Variants in SLC25A48 observed in about 807,000 individuals in gnomAD.
SLC25A48 encodes CTC-321K16.1.
SLC25A48 carries 29 observed loss-of-function variants against 32.2 expected under a neutral mutation model. The ratio of observed to expected loss-of-function variants is 0.90; its 90% CI spans 0.67 to 1.23. The LOEUF (loss-of-function observed/expected upper bound fraction) is 1.23. SLC25A48 is among the 50% of genes most tolerant of loss of function. The probability of loss-of-function intolerance (pLI) is 0.00; values close to 1 mark genes in which losing one functional copy is unlikely to be tolerated. For missense variants in SLC25A48, 399 were observed against 422.7 expected (o/e 0.94, Z 0.49); for synonymous variants, 164 against 172.3 (o/e 0.95, Z 0.38).
intron 3 of SLC25A48, among the ~76,000 whole-genome samples, chr5:135,708,756 TG>T (rs760548312): frequency 6.6e-6 from 1 of 152,178 alleles, no homozygotes; most frequent in Non-Finnish European, 1.5e-5. Flanking sequence ...AGAGCCCAGG[TG>T]TCTTCAGAAT....
In SLC25A48 at chr5:135,852,686, G is replaced by C; in HGVS notation, c.286G>C (p.Glu96Gln). 6.2e-7 allele frequency: 1 copy of C among 1,614,090 alleles called. No individual in the cohort carries two copies. Among genetic ancestry groups the C allele is most frequent in the African/African-American group, 1.3e-5 (1 of 75,066 alleles). ...FLSQHRCGEP[E>Q]ASPPRTLSDL... ...CAGCCAGCACCGCTGCGGGGAGCCA[G>C]AGGCCAGTCCTCCCCGCACGCTGTC... The change falls in exon 4 of 8, where the codon GAG becomes CAG. Residue 96 changes from glutamate to glutamine, a missense_variant. Coordinates refer to ENST00000681962, the MANE Select transcript of SLC25A48 (RefSeq NM_001349336.2).
chr5:135,867,026 A>G (rs1471721619), intron 4 of SLC25A48, among the ~76,000 whole-genome samples: 2 of 152,218 alleles, frequency 1.3e-5, no homozygotes, highest in Admixed American at 6.5e-5. Context: ...AATAAAAGGT[A>G]GTATGCCCTT....
intron 3 of SLC25A48, among the ~76,000 whole-genome samples, chr5:135,683,498 T>C (rs1753946971): frequency 9.5e-6 from 1 of 105,606 alleles, no homozygotes; most frequent in African/African-American, 3.2e-5. Context: ...GGATAAGGAA[T>C]ACATTTCTTA....
At chr5:135,686,990 C>T (rs1754033842) in intron 3 of SLC25A48, among the ~76,000 whole-genome samples, 1 of 150,928 alleles carries the variant, frequency 6.6e-6, no homozygotes, top group Non-Finnish European at 1.5e-5. Flanking sequence ...ATATGAACAA[C>T]CTAATGCCCT....
intron 4 of SLC25A48, among the ~76,000 whole-genome samples, chr5:135,818,538 T>TA: frequency 6.6e-6 from 1 of 152,340 alleles, no homozygotes; most frequent in East Asian, 1.9e-4. Context: ...TGCACCACTG[T>TA]AGACGAAAGA....
At chr5:135,637,537 G>T (rs974542867) in intron 3 of SLC25A48, among the ~76,000 whole-genome samples, 3 of 152,154 alleles carry the variant, frequency 2.0e-5, no homozygotes, top group African/African-American at 7.2e-5. Flanking sequence ...ACTCCTTAGT[G>T]TTTTCATGCT....
At position 135,629,361 on chromosome 5, in the gene SLC25A48, A is replaced by G. The variant is rs1365740675; in HGVS notation, c.-724A>G. ...GCCAGGAACGCAGCACCTGTGGCTA[A>G]GTTGTGGTCTCACAGGTCAGTGTGG... On this transcript the variant is annotated 5_prime_UTR_variant, in exon 2 of 11. Transcript: ENST00000646290. The surrounding 1 kb of genome is among the most constrained non-coding windows in gnomAD (Gnocchi z 4.8). 6.6e-6 allele frequency: 1 copy of G among 152,264 alleles called. No individual in the cohort carries two copies. Among genetic ancestry groups the G allele is most frequent in the Non-Finnish European group, 1.5e-5 (1 of 68,064 alleles). The allele number at this position is 152,264 out of a possible 1,614,324, so 9.4% of individuals were successfully genotyped here.
At position 135,838,590 on chromosome 5, in the gene SLC25A48, C is replaced by G. The variant is rs139406971; in HGVS notation, c.46+3697C>G. 5.2e-4 allele frequency among the ~76,000 whole-genome samples: 79 copies of G among 152,324 alleles called. No homozygotes were observed. In the East Asian group the frequency reaches 0.014, roughly 28 times the overall value. ...AAAAAATGGTTTCCTGGGCTGGGCC[C>G]AGGGACCTCTGCTCTGTGCAGCCTA... On this transcript the variant is annotated intron_variant, in intron 1 of 7. Coordinates refer to ENST00000681962, the MANE Select transcript of SLC25A48 (RefSeq NM_001349336.2).
chr5:135,653,071 C>T (rs1753154829), intron 3 of SLC25A48, among the ~76,000 whole-genome samples: 1 of 152,202 alleles, frequency 6.6e-6, no homozygotes, highest in African/African-American at 2.4e-5. Context: ...CTTGCCCTTC[C>T]ACCTTCCATG....
At chr5:135,830,158 A>C (rs1192361871), upstream of SLC25A48, among the ~76,000 whole-genome samples, 1 of 152,016 alleles carries the variant, frequency 6.6e-6, no homozygotes, top group Non-Finnish European at 1.5e-5. Context: ...CGGCCCACAC[A>C]TATACTGAGT....
chr5:135,817,980 G>A (rs1410214325), intron 4 of SLC25A48, among the ~76,000 whole-genome samples: 1 of 150,776 alleles, frequency 6.6e-6, no homozygotes, highest in Non-Finnish European at 1.5e-5. Flanking sequence ...ACATTGTGGA[G>A]GAGAGGCAAG....
intron 1 of SLC25A48, among the ~76,000 whole-genome samples, chr5:135,580,356 C>T (rs1485194019): frequency 2.0e-5 from 3 of 152,190 alleles, no homozygotes; most frequent in African/African-American, 7.2e-5. Flanking sequence ...CTCTTGGAGT[C>T]CCTGGGCTTG....
chr5:135,591,493 G>A (rs921102103), intron 1 of SLC25A48, among the ~76,000 whole-genome samples: 20 of 152,362 alleles, frequency 1.3e-4, no homozygotes, highest in African/African-American at 4.8e-4. Context: ...AATTTCAGTG[G>A]CAGCTGTGTT....
intron 3 of SLC25A48, among the ~76,000 whole-genome samples, chr5:135,799,989 G>A (rs1437637559): frequency 6.6e-6 from 1 of 151,672 alleles, no homozygotes; most frequent in African/African-American, 2.4e-5. Context: ...CGCAGAAGGT[G>A]TGCACCCCAA....
intron 3 of SLC25A48, among the ~76,000 whole-genome samples, chr5:135,698,888 G>A (rs1455957822): frequency 2.0e-5 from 3 of 152,094 alleles, no homozygotes; most frequent in South Asian, 2.1e-4. Context: ...AAATGAGAAC[G>A]GAGATCTCAC....
chr5:135,707,254 C>T (rs566999711), intron 3 of SLC25A48, among the ~76,000 whole-genome samples: 19 of 152,158 alleles, frequency 1.2e-4, no homozygotes, highest in Non-Finnish European at 1.9e-4. Context: ...TAGAGCCTGA[C>T]CCCATCTGAT....
chr5:135,770,034 C>T (rs1325216358), intron 3 of SLC25A48, among the ~76,000 whole-genome samples: 2 of 151,252 alleles, frequency 1.3e-5, no homozygotes, highest in Non-Finnish European at 3.0e-5. Context: ...ATATTACTCC[C>T]AATATTGAAA....
exon 4 of SLC25A48, chr5:135,812,677 C>G (rs1757617556): frequency 6.6e-6 from 1 of 152,332 alleles, no homozygotes; most frequent in Non-Finnish European, 1.5e-5. Flanking sequence ...GTTCCAACCC[C>G]TTTGCGGGGT....
chr5:135,789,631 G>A (rs1161705615), intron 3 of SLC25A48, among the ~76,000 whole-genome samples: 5 of 151,314 alleles, frequency 3.3e-5, no homozygotes, highest in Non-Finnish European at 7.4e-5. Flanking sequence ...TGTGGCGGGG[G>A]GTGTACAGCC....
Sources: gnomAD v4.1 joint callset for allele counts (sites outside exome capture counted in the v4.1 genomes callset) on GRCh38, gnomAD v4.1.1 for gene constraint, Gnocchi (gnomAD v3.1) non-coding constraint, MANE v1.5 for transcripts, NCBI Gene and HGNC (gene_info 2026-07-23, HGNC 2026-07-21) for gene names.